DOK6: variants seen among roughly 807,000 people sequenced by gnomAD.
The protein encoded by DOK6 is docking protein 6, also known as downstream of tyrosine kinase 6.
A neutral mutation model predicts 44.0 loss-of-function variants in DOK6; 22 were observed. That is an observed-to-expected ratio of 0.50 (90% CI 0.36 to 0.71). DOK6 has a LOEUF of 0.71. DOK6 is among the 30% of genes least tolerant of loss of function. DOK6 has a pLI of 0.00. For synonymous variants in DOK6, 166 were observed against 145.5 expected (o/e 1.14, Z -1.01); for missense variants, 340 against 416.4 (o/e 0.82, Z 1.60).
intron 5 of DOK6, among the ~76,000 whole-genome samples, chr18:69,701,783 A>C (rs185996224): frequency 9.3e-4 from 142 of 152,324 alleles, no homozygotes; most frequent in African/African-American, 3.2e-3. Context: ...ATAATACTTA[A>C]ATATTGCAAT....
At chr18:69,659,264 T>C (rs893205690) in intron 3 of DOK6, among the ~76,000 whole-genome samples, 1 of 152,202 alleles carries the variant, frequency 6.6e-6, no homozygotes, top group Middle Eastern at 3.2e-3. Context: ...CCTTTCATAT[T>C]ACATAAAATG....
chr18:69,602,072 T>C (rs538056203), intron 3 of DOK6, among the ~76,000 whole-genome samples: 1 of 152,196 alleles, frequency 6.6e-6, no homozygotes, highest in Non-Finnish European at 1.5e-5. Flanking sequence ...ATAATTTATG[T>C]AGATGCTCTG....
At chr18:69,805,249 G>GT (rs940553219) in intron 7 of DOK6, among the ~76,000 whole-genome samples, 40 of 152,222 alleles carry the variant, frequency 2.6e-4, no homozygotes, top group Non-Finnish European at 5.1e-4. Flanking sequence ...CATGAAGAAA[G>GT]TTTTTTTATC....
At chr18:69,596,730 A>C (rs4621078) in intron 2 of DOK6, among the ~76,000 whole-genome samples, 139,512 of 152,180 alleles carry the variant, frequency 0.92, 65,156 homozygotes, top group East Asian at 1. Flanking sequence ...TCCAACCGTA[A>C]CAAAAAACAG....
chr18:69,707,888 T>G (rs1986668776), intron 5 of DOK6, among the ~76,000 whole-genome samples: 2 of 152,132 alleles, frequency 1.3e-5, no homozygotes, highest in Non-Finnish European at 1.5e-5. Context: ...AGAAGATGAT[T>G]TGCACGGCGA....
At chr18:69,838,787 A>G (rs919499638) in intron 7 of DOK6, among the ~76,000 whole-genome samples, 3 of 32,280 alleles carry the variant, frequency 9.3e-5, no homozygotes, top group Non-Finnish European at 1.8e-4. Flanking sequence ...GAGCCTCCCC[A>G]GCTCCTCCCC....
intron 7 of DOK6, among the ~76,000 whole-genome samples, chr18:69,794,627 G>C (rs1290374276): frequency 6.6e-6 from 1 of 152,100 alleles, no homozygotes; most frequent in East Asian, 1.9e-4. Context: ...ATGCAAAGCA[G>C]GGGTCCCAAT....
At chr18:69,773,337 G>A (rs1044205482) in intron 7 of DOK6, among the ~76,000 whole-genome samples, 3 of 151,810 alleles carry the variant, frequency 2.0e-5, no homozygotes, top group African/African-American at 2.4e-5. Flanking sequence ...CTCCACCTAC[G>A]GGTATTTATC....
chr18:69,683,340 C>T (rs894412301), intron 4 of DOK6, among the ~76,000 whole-genome samples: 3 of 152,198 alleles, frequency 2.0e-5, no homozygotes, highest in Admixed American at 1.3e-4. Flanking sequence ...AATTGTGTCC[C>T]TTCCAAGAAG....
At chr18:69,478,407 T>A (rs983446553) in intron 1 of DOK6, among the ~76,000 whole-genome samples, 2 of 152,142 alleles carry the variant, frequency 1.3e-5, no homozygotes, top group African/African-American at 4.8e-5. Context: ...CTCCCCTTCC[T>A]TCTCCTCCTT....
chr18:69,733,851 C>T (rs577177013), intron 5 of DOK6, among the ~76,000 whole-genome samples: 105 of 152,188 alleles, frequency 6.9e-4, no homozygotes, highest in Non-Finnish European at 1.3e-3. Flanking sequence ...GAGTAGTCTT[C>T]AGTAGTTGAA....
At chr18:69,540,920 T>C (rs1982251303) in intron 1 of DOK6, among the ~76,000 whole-genome samples, 1 of 152,186 alleles carries the variant, frequency 6.6e-6, no homozygotes, top group Admixed American at 6.5e-5. Context: ...ATCATAGTTC[T>C]GTTAAAGAAT....
At chr18:69,815,650 G>A (rs948082679) in intron 7 of DOK6, among the ~76,000 whole-genome samples, 2 of 152,096 alleles carry the variant, frequency 1.3e-5, no homozygotes, top group African/African-American at 2.4e-5. Context: ...TTCCATCTAT[G>A]TATTTTAAGT....
rs74826156 is a variant in DOK6 at position 69,742,720 on chromosome 18, A to C, written c.738+3617A>C. On this transcript the variant is annotated intron_variant, in intron 6 of 7. Coordinates refer to ENST00000382713, the MANE Select transcript of DOK6 (RefSeq NM_152721.6). The stretch of plus-strand genomic sequence containing the variant: ...AAGAAAGTTCCTTCTCAAGTAGCCC[A>C]GAATTGTGTGGGATCAAATAATTTG... 5.2e-3 allele frequency among the ~76,000 whole-genome samples: 798 copies of C among 152,382 alleles called. 4 individuals are homozygous for C. Among genetic ancestry groups the C allele is most frequent in the African/African-American group, 0.017 (709 of 41,594 alleles).
intron 2 of DOK6, among the ~76,000 whole-genome samples, chr18:69,582,135 T>C (rs1300360566): frequency 6.6e-6 from 1 of 152,226 alleles, no homozygotes; most frequent in Non-Finnish European, 1.5e-5. Flanking sequence ...TAGGTCTTTG[T>C]TGGAGCTTAA....
intron 1 of DOK6, among the ~76,000 whole-genome samples, chr18:69,432,796 T>C (rs984391884): frequency 3.9e-5 from 6 of 152,212 alleles, no homozygotes; most frequent in Admixed American, 6.5e-5. Flanking sequence ...TTATTTAAAA[T>C]ATAAATTCAT....
At chr18:69,583,752 C>CAAAAAAAAAA (rs36222332) in intron 2 of DOK6, among the ~76,000 whole-genome samples, 1 of 143,720 alleles carries the variant, frequency 7.0e-6, no homozygotes, top group Non-Finnish European at 1.5e-5. Flanking sequence ...TCCATCCATA[C>CAAAAAAAAAA]AAAAAAAAAA....
At chr18:69,468,367 T>C (rs147413724) in intron 1 of DOK6, among the ~76,000 whole-genome samples, 1 of 152,222 alleles carries the variant, frequency 6.6e-6, no homozygotes, top group African/African-American at 2.4e-5. Context: ...TATATGCTTG[T>C]ATCAAAATGT....
chr18:69,532,396 G>A (rs1568287949), intron 1 of DOK6, among the ~76,000 whole-genome samples: 1 of 152,076 alleles, frequency 6.6e-6, no homozygotes. Context: ...ATAAAAGAAG[G>A]GGTATTTTCT....
Sources: allele counts gnomAD v4.1 joint callset (sites outside exome capture counted in the v4.1 genomes callset), GRCh38; gene constraint gnomAD v4.1.1; transcripts MANE v1.5; gene names NCBI Gene and HGNC (gene_info 2026-07-23, HGNC 2026-07-21).